CNOT2: variants seen among roughly 807,000 people sequenced by gnomAD.
CNOT2 encodes CC chemokine receptor 4-negative regulator of transcription 2.
A neutral mutation model predicts 72.1 loss-of-function variants in CNOT2; 7 were observed. The ratio of observed to expected loss-of-function variants is 0.10; its 90% CI spans 0.06 to 0.18. The LOEUF is 0.18. CNOT2 is among the 10% of genes least tolerant of loss of function. CNOT2 has a pLI of 1.00. For synonymous variants in CNOT2, 196 were observed against 225.6 expected, an observed-to-expected ratio of 0.87 and a Z score of 1.17; for missense variants, 345 against 660.3, an observed-to-expected ratio of 0.52 and a Z score of 5.23.
At chr12:70,283,740 G>A (rs905379966) in intron 2 of CNOT2, among the ~76,000 whole-genome samples, 45 of 151,570 alleles carry the variant, frequency 3.0e-4, no homozygotes, top group African/African-American at 1.0e-3. Flanking sequence ...CAACCAGATG[G>A]CTGTGACATG....
intron 15 of CNOT2, among the ~76,000 whole-genome samples, chr12:70,351,104 A>G (rs1042060572): frequency 6.6e-6 from 1 of 152,208 alleles, no homozygotes; most frequent in Non-Finnish European, 1.5e-5. Context: ...TCATATTATA[A>G]TCTAGAAATC....
Position 70,344,109 on chromosome 12 carries a change from A to C in CNOT2, c.1291-19A>C. 1 of 1,539,928 alleles carries C rather than the reference A, an allele frequency of 6.5e-7. No homozygotes were observed. Among genetic ancestry groups the C allele is most frequent in the South Asian group, 1.2e-5 (1 of 85,778 alleles). The stretch of plus-strand genomic sequence containing the variant: ...CAGATTTGTTTTATATTTCAGAATA[A>C]GTTATTTTTCTTTTTCAGCTGGCTG... On this transcript the variant is annotated intron_variant, in intron 13 of 15. Transcript: ENST00000229195.
intron 1 of CNOT2, among the ~76,000 whole-genome samples, chr12:70,256,483 A>G (rs1287692355): frequency 6.6e-6 from 1 of 151,106 alleles, no homozygotes. Context: ...GATATGTATT[A>G]TTACAGCATA....
At chr12:70,321,327 C>A (rs115688809) in intron 4 of CNOT2, among the ~76,000 whole-genome samples, 1 of 151,830 alleles carries the variant, frequency 6.6e-6, no homozygotes, top group African/African-American at 2.4e-5. Flanking sequence ...GTCTAGGTTG[C>A]CAATTTCTAT....
intron 4 of CNOT2, chr12:70,321,411 C>T (rs1481995865): frequency 6.6e-6 from 1 of 151,830 alleles, no homozygotes; most frequent in East Asian, 1.9e-4. Flanking sequence ...CCTTGTCAGA[C>T]AGCAGAACAC....
intron 4 of CNOT2, among the ~76,000 whole-genome samples, chr12:70,320,320 G>C (rs922991508): frequency 6.6e-6 from 1 of 151,744 alleles, no homozygotes; most frequent in Non-Finnish European, 1.5e-5. Context: ...TATCAGAATA[G>C]TTTGTCATAA....
rs1333175605 is a variant in CNOT2 at position 70,308,580 on chromosome 12, T to TCA, written c.49-2314_49-2313insAC. 8.0e-4 allele frequency among the ~76,000 whole-genome samples: 113 copies of TCA among 142,052 alleles called. 1 individual carries two copies. In the Middle Eastern group the frequency reaches 0.021, roughly 27 times the overall value. The allele number at this position is 142,052 out of a possible 152,430, so 93.2% of individuals were successfully genotyped here. A position where few individuals can be genotyped will look rare whatever the true frequency, so the allele number is the denominator to read the frequency against. The stretch of plus-strand genomic sequence containing the variant: ...TTCTCTCTCTCTCTCTCTCTCTCTC[T>TCA]CTCTCACACACACACACACACACAC... On this transcript the variant is annotated intron_variant, in intron 2 of 15. Coordinates refer to ENST00000229195, the MANE Select transcript of CNOT2 (RefSeq NM_014515.7).
chr12:70,293,487 AT>A (rs1872294649), intron 2 of CNOT2, among the ~76,000 whole-genome samples: 1 of 152,144 alleles, frequency 6.6e-6, no homozygotes, highest in African/African-American at 2.4e-5. Flanking sequence ...TAAATCCTAT[AT>A]TCAGATTGTT....
chr12:70,328,774 G>T (rs1879472588), intron 4 of CNOT2, among the ~76,000 whole-genome samples: 1 of 150,432 alleles, frequency 6.6e-6, no homozygotes, highest in South Asian at 2.1e-4. Flanking sequence ...GGCTCCAGGG[G>T]TACTAGATAA....
chr12:70,247,434 G>A (rs1249986621), intron 1 of CNOT2, among the ~76,000 whole-genome samples: 1 of 152,148 alleles, frequency 6.6e-6, no homozygotes, highest in Admixed American at 6.5e-5. Context: ...GGGATTACAG[G>A]CATGAGCCAC....
intron 2 of CNOT2, among the ~76,000 whole-genome samples, chr12:70,288,136 CTTTT>C (rs68143994): frequency 1.2e-5 from 1 of 86,668 alleles, no homozygotes; most frequent in East Asian, 4.3e-4. Flanking sequence ...TGGTGTAGCT[CTTTT>C]TTTTTTTTTT....
At chr12:70,292,777 G>C (rs1378183687) in intron 2 of CNOT2, among the ~76,000 whole-genome samples, 1 of 152,210 alleles carries the variant, frequency 6.6e-6, no homozygotes. Flanking sequence ...AAGTGTATAA[G>C]TATAAAATGT....
intron 13 of CNOT2, chr12:70,343,815 A>G (rs1881814995): frequency 9.0e-6 from 2 of 222,498 alleles, no homozygotes; most frequent in South Asian, 1.3e-4. Context: ...TGCTATTGTT[A>G]GGTTCTTTTC....
At chr12:70,341,200 T>G (rs1215481427) in intron 11 of CNOT2, among the ~76,000 whole-genome samples, 1 of 152,074 alleles carries the variant, frequency 6.6e-6, no homozygotes, top group African/African-American at 2.4e-5. Flanking sequence ...ACCCCAAATC[T>G]TCACAGGCCT....
chr12:70,282,355 C>T (rs1165197847), intron 2 of CNOT2, among the ~76,000 whole-genome samples: 5 of 152,118 alleles, frequency 3.3e-5, no homozygotes, highest in African/African-American at 1.2e-4. Context: ...GATTCATAAT[C>T]TAAAACATTG....
intron 4 of CNOT2, among the ~76,000 whole-genome samples, chr12:70,328,259 C>G (rs943069664): frequency 2.0e-5 from 3 of 151,870 alleles, no homozygotes; most frequent in Admixed American, 6.6e-5. Flanking sequence ...GTGAGATACT[C>G]GCTAACCACT....
chr12:70,258,834 G>A (rs1222301651), intron 1 of CNOT2, among the ~76,000 whole-genome samples: 1 of 152,082 alleles, frequency 6.6e-6, no homozygotes, highest in Non-Finnish European at 1.5e-5. Flanking sequence ...TTTCAGGAAG[G>A]GACAACAACA....
At chr12:70,316,150 A>C (rs1344448874) in intron 3 of CNOT2, among the ~76,000 whole-genome samples, 1 of 152,192 alleles carries the variant, frequency 6.6e-6, no homozygotes, top group African/African-American at 2.4e-5. Flanking sequence ...TGGCAGAACC[A>C]GGATTCAAAC....
chr12:70,326,448 ATTTTTCTTTT>A (rs1879091323), intron 4 of CNOT2, among the ~76,000 whole-genome samples: 2 of 138,628 alleles, frequency 1.4e-5, no homozygotes, highest in Admixed American at 1.6e-4. Context: ...AGTTCTTCCC[ATTTTTCTTTT>A]TTTTTCTTTT....
Sources: allele counts gnomAD v4.1 joint callset (sites outside exome capture counted in the v4.1 genomes callset), GRCh38; gene constraint gnomAD v4.1.1; transcripts MANE v1.5; gene names NCBI Gene and HGNC (gene_info 2026-07-23, HGNC 2026-07-21).